TNNI3K: variants seen among roughly 807,000 people sequenced by gnomAD.
The protein encoded by TNNI3K is TNNI3 interacting kinase, also known as serine/threonine-protein kinase TNNI3K.
A neutral mutation model predicts 114.5 loss-of-function variants in TNNI3K; 140 were observed. That is an observed-to-expected ratio of 1.22 (90% CI 1.07 to 1.41). The LOEUF is 1.41. Among genes scored for constraint, TNNI3K ranks in the 40% most tolerant of loss-of-function variants. The pLI is 0.00. For synonymous variants in TNNI3K, 347 were observed against 347.5 expected, an observed-to-expected ratio of 1.00 and a Z score of 0.02; for missense variants, 1,125 against 1,007.6, an observed-to-expected ratio of 1.12 and a Z score of -1.58.
rs1363765520 is a variant in TNNI3K at position 74,354,089 on chromosome 1, A to G, written c.1137A>G (p.Glu379=). Residue 379 remains glutamate, a synonymous_variant, in exon 11 of 25, where the codon GAA becomes GAG. Coordinates refer to ENST00000326637, the MANE Select transcript of TNNI3K (RefSeq NM_015978.3). ...VACDPSRSSG[E]KDEQTCLMWA... is the part of the protein sequence containing the mutation. ...GTGATCCCAGCAGGTCTAGTGGTGA[A>G]AAAGATGAGCAGACATGTTTGATGT... 6.2e-7 allele frequency: 1 copy of G among 1,613,964 alleles called. No individual in the cohort carries two copies. The highest frequency in any genetic ancestry group is 2.2e-5 in the East Asian group (1 of 44,854).
chr1:74,456,917 T>C (rs1667249894), intron 20 of TNNI3K, among the ~76,000 whole-genome samples: 1 of 152,280 alleles, frequency 6.6e-6, no homozygotes, highest in East Asian at 1.9e-4. Flanking sequence ...TGAATTAAAG[T>C]ACATTTAAAG....
intron 4 of TNNI3K, among the ~76,000 whole-genome samples, chr1:74,267,892 C>T (rs528740503): frequency 6.6e-6 from 1 of 151,886 alleles, no homozygotes; most frequent in East Asian, 1.9e-4. Context: ...AACAAAGATA[C>T]TTGAAGAAAG....
At chr1:74,252,320 T>C (rs1418313765) in intron 4 of TNNI3K, among the ~76,000 whole-genome samples, 1 of 152,180 alleles carries the variant, frequency 6.6e-6, no homozygotes, top group Admixed American at 6.5e-5. Context: ...TATAACTTTT[T>C]CATAGCAAGT....
At chr1:74,459,355 A>C (rs1667353539) in intron 20 of TNNI3K, among the ~76,000 whole-genome samples, 1 of 152,230 alleles carries the variant, frequency 6.6e-6, no homozygotes, top group Non-Finnish European at 1.5e-5. Flanking sequence ...AGACAAATAA[A>C]GAGGCAATTA....
chr1:74,292,891 G>T (rs1352000898), intron 5 of TNNI3K, among the ~76,000 whole-genome samples: 3 of 151,516 alleles, frequency 2.0e-5, no homozygotes, highest in East Asian at 3.9e-4. Flanking sequence ...ATTTAACATG[G>T]TTTATAGTTT....
chr1:74,409,431 T>G (rs1664774403), intron 17 of TNNI3K, among the ~76,000 whole-genome samples: 1 of 152,124 alleles, frequency 6.6e-6, no homozygotes. Flanking sequence ...TAAGATTCCA[T>G]GCATAATACT....
chr1:74,354,194 G>A (rs1159129196), intron 11 of TNNI3K, 65 bp downstream of exon 11: 15 of 1,584,930 alleles, frequency 9.5e-6, no homozygotes, highest in Non-Finnish European at 1.2e-5. Flanking sequence ...TTATGTCAGT[G>A]CATCAATAAT....
chr1:74,397,995 GA>G (rs145410214), intron 17 of TNNI3K, among the ~76,000 whole-genome samples: 2,348 of 152,234 alleles, frequency 0.015, 68 homozygotes, highest in African/African-American at 0.053. Context: ...ATAGCAGGGG[GA>G]AAAAATTAAT....
At chr1:74,252,597 T>C (rs985890679) in intron 4 of TNNI3K, among the ~76,000 whole-genome samples, 1 of 152,078 alleles carries the variant, frequency 6.6e-6, no homozygotes, top group Non-Finnish European at 1.5e-5. Context: ...GTTTGTTCCT[T>C]CTGATGTTTG....
At chr1:74,355,744 G>C (rs138560103) in intron 11 of TNNI3K, among the ~76,000 whole-genome samples, 229 of 152,258 alleles carry the variant, frequency 1.5e-3, no homozygotes, top group African/African-American at 5.4e-3. Context: ...TAGACAAGGA[G>C]AAGGAAAAAT....
chr1:74,462,435 T>C (rs557688083), intron 20 of TNNI3K, among the ~76,000 whole-genome samples: 14 of 152,314 alleles, frequency 9.2e-5, no homozygotes, highest in African/African-American at 2.9e-4. Context: ...TTGTGAGGAA[T>C]AGACAGGGCA....
chr1:74,308,829 G>A (rs1040968237), intron 5 of TNNI3K, among the ~76,000 whole-genome samples: 2 of 152,048 alleles, frequency 1.3e-5, no homozygotes, highest in Non-Finnish European at 2.9e-5. Context: ...AACAACAACT[G>A]ATTCCACAGA....
chr1:74,402,575 G>A (rs1664421550), intron 17 of TNNI3K, among the ~76,000 whole-genome samples: 1 of 152,312 alleles, frequency 6.6e-6, no homozygotes, highest in African/African-American at 2.4e-5. Context: ...CTCTATATAT[G>A]TAGATTCATA....
intron 9 of TNNI3K, among the ~76,000 whole-genome samples, chr1:74,344,884 G>A (rs1332700549): frequency 1.3e-5 from 2 of 152,038 alleles, no homozygotes; most frequent in Non-Finnish European, 2.9e-5. Context: ...TTTTACGTGA[G>A]GAATTCACTC....
intron 5 of TNNI3K, among the ~76,000 whole-genome samples, chr1:74,281,333 G>GTTGTGTGTGT (rs1557471487): frequency 1.0e-4 from 2 of 20,016 alleles, no homozygotes; most frequent in African/African-American, 4.0e-4. Flanking sequence ...CACAATAATA[G>GTTGTGTGTGT]ATGTGTGTGT....
intron 21 of TNNI3K, among the ~76,000 whole-genome samples, chr1:74,482,408 A>G (rs575824323): frequency 1.3e-5 from 2 of 152,322 alleles, no homozygotes; most frequent in East Asian, 3.9e-4. Context: ...AAATAAATGT[A>G]GTGAAGTCAA....
At chr1:74,481,754 A>G (rs1157039857) in intron 21 of TNNI3K, among the ~76,000 whole-genome samples, 1 of 152,200 alleles carries the variant, frequency 6.6e-6, no homozygotes, top group Non-Finnish European at 1.5e-5. Context: ...CTCAATAAAG[A>G]AGTATTATAA....
At chr1:74,360,172 C>A (rs1449955529) in intron 11 of TNNI3K, among the ~76,000 whole-genome samples, 2 of 151,770 alleles carry the variant, frequency 1.3e-5, no homozygotes, top group African/African-American at 4.8e-5. Context: ...AACCTCATAA[C>A]TGCCCTTTTT....
At chr1:74,237,768 G>T (rs1450695066) in intron 2 of TNNI3K, among the ~76,000 whole-genome samples, 1 of 152,010 alleles carries the variant, frequency 6.6e-6, no homozygotes, top group African/African-American at 2.4e-5. Flanking sequence ...GGAGCTTACA[G>T]TCCAGAATTT....
Sources: allele counts gnomAD v4.1 joint callset (sites outside exome capture counted in the v4.1 genomes callset), GRCh38; gene constraint gnomAD v4.1.1; transcripts MANE v1.5; gene names NCBI Gene and HGNC (gene_info 2026-07-23, HGNC 2026-07-21).